The following STAG1 variants were observed in gnomAD, a reference collection of about 807,000 sequenced individuals.
STAG1 encodes cohesin subunit SA-1.
Under a neutral mutation model 170.9 loss-of-function variants are expected in STAG1, and 26 were observed. The ratio of observed to expected loss-of-function variants is 0.15; its 90% confidence interval spans 0.11 to 0.21. The LOEUF is 0.21. Among genes scored for constraint, STAG1 ranks in the 10% least tolerant of loss-of-function variants. The pLI is 1.00. For missense variants in STAG1, 964 were observed against 1,509.5 expected (o/e 0.64, Z 5.99); for synonymous variants, 514 against 497.7 (o/e 1.03, Z -0.44).
chr3:136,495,453 A>C (rs1379203202), intron 9 of STAG1, among the ~76,000 whole-genome samples: 2 of 152,218 alleles, frequency 1.3e-5, no homozygotes, highest in African/African-American at 4.8e-5. Context: ...TACAAATTGA[A>C]AACATTTGCT....
chr3:136,734,227 A>G (rs1357761589), intron 1 of STAG1, among the ~76,000 whole-genome samples: 1 of 152,184 alleles, frequency 6.6e-6, no homozygotes, highest in Non-Finnish European at 1.5e-5. Flanking sequence ...TGCCCCAAAT[A>G]AGACAGGAAA....
Position 136,417,552 on chromosome 3 carries a change from C to T in STAG1, c.2196+333G>A, listed in dbSNP as rs190131098. On this transcript the variant is annotated intron_variant, in intron 21 of 33. Coordinates refer to ENST00000383202, the MANE Select transcript of STAG1 (RefSeq NM_005862.3). ...CTTAATATGATTAATACCTAGAACA[C>T]GGCTGGAATATACCCATCATCAATT... 30 of 212,800 alleles carry T rather than the reference C, an allele frequency of 1.4e-4. No homozygotes were observed. The South Asian group carries it at 1.4e-3, about 10-fold the overall frequency. The allele number at this position is 212,800 out of a possible 1,614,324, so 13.2% of individuals were successfully genotyped here.
intron 22 of STAG1, among the ~76,000 whole-genome samples, chr3:136,392,856 T>C (rs1175235626): frequency 2.0e-5 from 3 of 152,058 alleles, no homozygotes; most frequent in African/African-American, 7.2e-5. Context: ...ATTTTGTTTA[T>C]ATTACTATTT....
At chr3:136,730,371 T>A (rs1933943244) in intron 1 of STAG1, among the ~76,000 whole-genome samples, 1 of 152,216 alleles carries the variant, frequency 6.6e-6, no homozygotes, top group Non-Finnish European at 1.5e-5. Flanking sequence ...CAAGGTTTTT[T>A]GTTTTAATTG....
At chr3:136,539,295 G>A (rs1160491378) in intron 6 of STAG1, among the ~76,000 whole-genome samples, 1 of 151,972 alleles carries the variant, frequency 6.6e-6, no homozygotes, top group African/African-American at 2.4e-5. Flanking sequence ...TATTAATGAT[G>A]TTAATCCTTT....
intron 4 of STAG1, among the ~76,000 whole-genome samples, chr3:136,601,696 A>T (rs1306623107): frequency 6.6e-6 from 1 of 151,844 alleles, no homozygotes; most frequent in Non-Finnish European, 1.5e-5. Flanking sequence ...AATTAGCTAG[A>T]CGTGGTGGCA....
chr3:136,351,181 A>AT lies in STAG1; in HGVS notation c.3066-1819dup, dbSNP rs147731696. 7.0e-3 allele frequency among the ~76,000 whole-genome samples: 1,014 copies of AT among 144,490 alleles called. 5 individuals carry two copies. Among genetic ancestry groups the AT allele is most frequent in the African/African-American group, 0.014 (553 of 39,582 alleles). 94.8% of individuals were successfully genotyped at this position (144,490 alleles called of 152,430 possible). On this transcript the variant is annotated intron_variant, in intron 28 of 33. Coordinates refer to ENST00000383202, the MANE Select transcript of STAG1 (RefSeq NM_005862.3). ...GCCTACCAAATCCTCCACTGTGCTT[A>AT]TTTTTTTTTTTTCATCACAGCATTG...
At chr3:136,431,047 G>C (rs970963939) in intron 16 of STAG1, among the ~76,000 whole-genome samples, 1 of 151,914 alleles carries the variant, frequency 6.6e-6, no homozygotes, top group African/African-American at 2.4e-5. Context: ...GGGATTACAG[G>C]CATGTGCCAC....
intron 3 of STAG1, among the ~76,000 whole-genome samples, chr3:136,617,169 ATT>A (rs1489923604): frequency 6.6e-6 from 1 of 152,182 alleles, no homozygotes; most frequent in Non-Finnish European, 1.5e-5. Context: ...CAACTCTGCA[ATT>A]GGTTTGTCAG....
At chr3:136,463,539 C>G (rs948163014) in intron 13 of STAG1, among the ~76,000 whole-genome samples, 2 of 151,494 alleles carry the variant, frequency 1.3e-5, no homozygotes, top group East Asian at 1.9e-4. Context: ...CAAAACAAAG[C>G]AAAAAGATAC....
At chr3:136,369,352 T>C in intron 23 of STAG1, 70 bp from the exon 24 acceptor site, 2 of 1,286,448 alleles carry the variant, frequency 1.6e-6, no homozygotes, top group South Asian at 1.7e-5. Context: ...TTAATGAAAA[T>C]GTATGAAATT....
At chr3:136,569,431 C>A (rs931056347) in intron 4 of STAG1, among the ~76,000 whole-genome samples, 2 of 149,336 alleles carry the variant, frequency 1.3e-5, no homozygotes, top group South Asian at 2.1e-4. Flanking sequence ...AAAAAACTTT[C>A]TAGGAAAATT....
intron 1 of STAG1, among the ~76,000 whole-genome samples, chr3:136,733,761 T>C (rs1007784653): frequency 3.3e-5 from 5 of 152,182 alleles, no homozygotes; most frequent in South Asian, 2.1e-4. Context: ...AAGAATAAAA[T>C]AGAACACAGC....
At position 136,649,503 on chromosome 3, in the gene STAG1, CAAAAAAAAAAA is replaced by C. The variant is rs761067087; in HGVS notation, c.-83-18533_-83-18523del. 5.9e-4 allele frequency among the ~76,000 whole-genome samples: 42 copies of C among 70,876 alleles called. 1 individual carries two copies. The Admixed American group carries it at 6.5e-3, about 11-fold the overall frequency. The allele number at this position is 70,876 out of a possible 152,430, so 46.5% of individuals were successfully genotyped here. A position where few individuals can be genotyped will look rare whatever the true frequency, so the allele number is the denominator to read the frequency against. ...CAAAAAACAAAAACAAAAACAGAAA[CAAAAAAAAAAA>C]AAAAAAAAGAAAGGGTCCAGTTTGA... On this transcript the variant is annotated intron_variant, in intron 1 of 33. Transcript: ENST00000383202.
chr3:136,529,176 C>G (rs1445276561), intron 6 of STAG1, among the ~76,000 whole-genome samples: 4 of 151,990 alleles, frequency 2.6e-5, no homozygotes, highest in African/African-American at 9.7e-5. Context: ...ACAGAGCACC[C>G]AAATGTTCAA....
In STAG1 at chr3:136,623,106, T is replaced by A. The variant is rs1380644626; in HGVS notation, c.132+40A>T. ...AACTCATATAAACTCATTAACACGG[T>A]CACTATTAAAGGAACAAAGAAGACA... On this transcript the variant is annotated intron_variant, in intron 3 of 33. Coordinates refer to ENST00000383202, the MANE Select transcript of STAG1 (RefSeq NM_005862.3). 2.0e-6 allele frequency: 3 copies of A among 1,527,352 alleles called. No individual in the cohort carries two copies. The East Asian group carries it at 6.8e-5, about 35-fold the overall frequency. 94.6% of individuals were successfully genotyped at this position (1,527,352 alleles called of 1,614,324 possible). A position where few individuals can be genotyped will look rare whatever the true frequency, so the allele number is the denominator to read the frequency against.
chr3:136,645,810 C>A (rs1940987524), intron 1 of STAG1, among the ~76,000 whole-genome samples: 1 of 152,144 alleles, frequency 6.6e-6, no homozygotes, highest in Admixed American at 6.5e-5. Context: ...TTTAATCTTC[C>A]TTATCAGTGC....
At chr3:136,653,373 A>G (rs979410191) in intron 1 of STAG1, among the ~76,000 whole-genome samples, 2 of 152,214 alleles carry the variant, frequency 1.3e-5, no homozygotes, top group African/African-American at 4.8e-5. Context: ...ATACGTTAAA[A>G]GTTTTGAGCA....
intron 1 of STAG1, among the ~76,000 whole-genome samples, chr3:136,661,858 C>T (rs1941592824): frequency 6.6e-6 from 1 of 152,134 alleles, no homozygotes. Flanking sequence ...TATTATCATC[C>T]CCATTTTACA....
Sources: gnomAD v4.1 joint callset for allele counts (sites outside exome capture counted in the v4.1 genomes callset) on GRCh38, gnomAD v4.1.1 for gene constraint, MANE v1.5 for transcripts, NCBI Gene and HGNC (gene_info 2026-07-23, HGNC 2026-07-21) for gene names.